EML1: variants seen among roughly 807,000 people sequenced by gnomAD.
EML1 encodes the protein echinoderm microtubule-associated protein-like 1.
In EML1, 27 loss-of-function variants were observed where a neutral mutation model predicts 110.4. The ratio of observed to expected loss-of-function variants is 0.24; its 90% confidence interval spans 0.18 to 0.34. The LOEUF (loss-of-function observed/expected upper bound fraction) is 0.34, where lower values mean the gene tolerates loss of function less well. EML1 is among the 10% of genes least tolerant of loss of function. The pLI, the probability that EML1 is intolerant of heterozygous loss-of-function variation, is 1.00. For missense variants in EML1, 741 were observed against 1,030.9 expected (o/e 0.72, Z 3.85); for synonymous variants, 344 against 385.8 (o/e 0.89, Z 1.27).
chr14:99,766,653 A>G (rs1477006462), intron 1 of EML1, among the ~76,000 whole-genome samples: 1 of 152,126 alleles, frequency 6.6e-6, no homozygotes, highest in Non-Finnish European at 1.5e-5. Context: ...AGTCTTAAAA[A>G]CCAGGTTTGA....
intron 3 of EML1, among the ~76,000 whole-genome samples, chr14:99,874,593 C>T (rs2059258754): frequency 6.6e-6 from 1 of 152,174 alleles, no homozygotes; most frequent in Admixed American, 6.5e-5. Flanking sequence ...TGTCTTTAAG[C>T]TTTATTTTCT....
intron 1 of EML1, among the ~76,000 whole-genome samples, chr14:99,746,614 G>A (rs2057111349): frequency 6.6e-6 from 1 of 152,120 alleles, no homozygotes; most frequent in Admixed American, 6.5e-5. Flanking sequence ...GTGGTTTCCT[G>A]CTCGCCCGGG....
At chr14:99,826,268 A>G (rs1346648189) in intron 1 of EML1, among the ~76,000 whole-genome samples, 1 of 151,696 alleles carries the variant, frequency 6.6e-6, no homozygotes, top group East Asian at 1.9e-4. Flanking sequence ...ATGTGCCACC[A>G]CGCCCTGCTA....
In EML1 at chr14:99,853,248, TA is replaced by T. The variant is rs369188095; in HGVS notation, c.250+2221del. ...GTTGCCAGAAGGTCACACCAAGAAG[TA>T]AAAAAAAGATTCACAAGAAAGCAGG... On this transcript the variant is annotated intron_variant, in intron 2 of 21. Coordinates refer to ENST00000262233, the MANE Select transcript of EML1 (RefSeq NM_004434.3). 5.8e-4 allele frequency among the ~76,000 whole-genome samples: 88 copies of T among 151,908 alleles called. No individual in the cohort carries two copies. The East Asian group carries it at 0.014, about 24-fold the overall frequency.
chr14:99,882,489 A>G (rs528754876), intron 4 of EML1, among the ~76,000 whole-genome samples: 2 of 152,266 alleles, frequency 1.3e-5, no homozygotes, highest in East Asian at 3.9e-4. Context: ...TTGTTAGAAT[A>G]AGGATGTTTC....
intron 17 of EML1, among the ~76,000 whole-genome samples, chr14:99,922,364 C>T (rs1303327398): frequency 2.0e-5 from 3 of 152,178 alleles, no homozygotes; most frequent in Non-Finnish European, 2.9e-5. Flanking sequence ...GATCCACCCA[C>T]CTCGGCCTCC....
At chr14:99,819,867 G>C (rs1231894884) in intron 1 of EML1, among the ~76,000 whole-genome samples, 1 of 152,212 alleles carries the variant, frequency 6.6e-6, no homozygotes, top group South Asian at 2.1e-4. Flanking sequence ...CTGTTTCTCT[G>C]CGTTTGAAAA....
chr14:99,909,352 A>G lies in EML1; in HGVS notation c.1112A>G (p.Asn371Ser). 3 of 1,614,180 alleles carry G rather than the reference A, an allele frequency of 1.9e-6. No individual in the cohort carries two copies. The highest frequency in any genetic ancestry group is 2.5e-6 in the Non-Finnish European group (3 of 1,180,036). Residue 371 changes from asparagine to serine, a missense_variant, in exon 11 of 22, where the codon AAT (asparagine) becomes AGT (serine). Asn to Ser is a conservative substitution (Grantham distance 46). This residue lies in a region of EML1 where 388 missense variants were observed against 605.6 expected (regional missense o/e 0.64). Coordinates refer to ENST00000262233, the MANE Select transcript of EML1 (RefSeq NM_004434.3). ...EEKLADVKCS[N>S]EAVFAADFHP... ...TCCCTGTTTTTCCTATAGTGCTCTA[A>G]TGAAGCTGTGTTTGCTGCGGATTTC... is the stretch of plus-strand genomic sequence containing the variant.
intron 10 of EML1, 149 bp from the exon 11 acceptor site, chr14:99,909,196 A>T: frequency 8.1e-7 from 1 of 1,235,668 alleles, no homozygotes; most frequent in Non-Finnish European, 1.2e-6. Context: ...TGATGTTTTT[A>T]GCAAGATGGA....
intron 1 of EML1, among the ~76,000 whole-genome samples, chr14:99,766,342 CCA>C (rs2140194897): frequency 6.9e-6 from 1 of 145,548 alleles, no homozygotes; most frequent in South Asian, 2.2e-4. Flanking sequence ...TTACAGGTGC[CCA>C]CCACCATGCC....
chr14:99,782,245 C>G (rs1464698019), intron 1 of EML1, among the ~76,000 whole-genome samples: 1 of 152,156 alleles, frequency 6.6e-6, no homozygotes, highest in Non-Finnish European at 1.5e-5. Flanking sequence ...CCTGACAGGA[C>G]TGGGTTTAAA....
At chr14:99,806,970 G>A (rs897906517) in intron 1 of EML1, among the ~76,000 whole-genome samples, 2 of 152,020 alleles carry the variant, frequency 1.3e-5, no homozygotes, top group Non-Finnish European at 2.9e-5. Flanking sequence ...TGCAGGACCC[G>A]GGATCTAGGA....
At chr14:99,772,648 G>T (rs2057439320), upstream of EML1, among the ~76,000 whole-genome samples, 1 of 152,212 alleles carries the variant, frequency 6.6e-6, no homozygotes, top group African/African-American at 2.4e-5. Flanking sequence ...TCTGCAGGAG[G>T]TTTTTAGGAC....
chr14:99,792,632 G>A (rs962284645), upstream of EML1: 17 of 152,248 alleles, frequency 1.1e-4, no homozygotes, highest in African/African-American at 4.1e-4. Context: ...TAACAAGCCT[G>A]TAACGTGACA....
At chr14:99,831,136 C>T (rs538673439) in intron 1 of EML1, among the ~76,000 whole-genome samples, 6 of 152,216 alleles carry the variant, frequency 3.9e-5, no homozygotes, top group African/African-American at 1.2e-4. Flanking sequence ...TGTCAATTCA[C>T]GTTATGTGAA....
intron 1 of EML1, among the ~76,000 whole-genome samples, chr14:99,800,678 A>T (rs2057859131): frequency 6.6e-6 from 1 of 152,200 alleles, no homozygotes; most frequent in South Asian, 2.1e-4. Context: ...GATTCAGTTT[A>T]GTTAGATACA....
intron 1 of EML1, among the ~76,000 whole-genome samples, chr14:99,744,570 A>G (rs1371555212): frequency 6.6e-6 from 1 of 152,192 alleles, no homozygotes; most frequent in African/African-American, 2.4e-5. Flanking sequence ...TTGTTTTTCA[A>G]GTAATCCATT....
intron 1 of EML1, among the ~76,000 whole-genome samples, chr14:99,779,828 C>T (rs942662230): frequency 6.6e-6 from 1 of 152,174 alleles, no homozygotes; most frequent in Non-Finnish European, 1.5e-5. Context: ...GTAGAGAACC[C>T]CTTGGTTCAC....
rs1478481268 is a variant in EML1 at position 99,904,238 on chromosome 14, A to AC, written c.1008+3203dup. ...TTAATTTACAGAAAAACTGATTAAT[A>AC]CCCCTTTAACTTTAGCCAATATGTT... is the stretch of plus-strand genomic sequence containing the variant. On this transcript the variant is annotated intron_variant, in intron 9 of 21. Transcript: ENST00000262233. Among the ~76,000 whole-genome samples, 4 of 152,212 alleles carry AC rather than the reference A, an allele frequency of 2.6e-5. No individual in the cohort carries two copies. The East Asian group carries it at 7.7e-4, about 29-fold the overall frequency.
Sources: gnomAD v4.1 joint callset for allele counts (sites outside exome capture counted in the v4.1 genomes callset) on GRCh38, gnomAD v4.1.1 for gene constraint, gnomAD v4.1.1 regional missense constraint, MANE v1.5 for transcripts, NCBI Gene and HGNC (gene_info 2026-07-23, HGNC 2026-07-21) for gene names.